Variants in RBMS1 observed in about 807,000 individuals in gnomAD.
RBMS1 encodes the protein RNA binding motif single stranded interacting protein 1, also known as RNA-binding motif, single-stranded-interacting protein 1.
Under a neutral mutation model 62.3 loss-of-function variants are expected in RBMS1, and 17 were observed. That is an observed-to-expected ratio of 0.27 (90% confidence interval 0.19 to 0.41). The LOEUF is 0.41. Among genes scored for constraint, RBMS1 ranks in the 10% least tolerant of loss-of-function variants. The pLI is 1.00. For synonymous variants in RBMS1, 172 were observed against 170.0 expected, an observed-to-expected ratio of 1.01 and a Z score of -0.09; for missense variants, 334 against 504.5, an observed-to-expected ratio of 0.66 and a Z score of 3.24.
intron 6 of RBMS1, among the ~76,000 whole-genome samples, chr2:160,291,704 T>C (rs1208103499): frequency 6.6e-6 from 1 of 152,200 alleles, no homozygotes; most frequent in African/African-American, 2.4e-5. Flanking sequence ...ATCGTCATGT[T>C]ACAATCATGT....
At chr2:160,475,648 A>T (rs1229308974) in intron 1 of RBMS1, among the ~76,000 whole-genome samples, 2 of 152,262 alleles carry the variant, frequency 1.3e-5, no homozygotes, top group Non-Finnish European at 2.9e-5. Flanking sequence ...TATGTCATGC[A>T]TTGCCTATCA....
intron 1 of RBMS1, among the ~76,000 whole-genome samples, chr2:160,490,205 T>C (rs1301316648): frequency 6.6e-6 from 1 of 151,906 alleles, no homozygotes; most frequent in African/African-American, 2.4e-5. Flanking sequence ...TTTAGGACAA[T>C]ATGTGGTTAT....
chr2:160,428,331 T>C (rs776691654), intron 1 of RBMS1, among the ~76,000 whole-genome samples: 19 of 152,172 alleles, frequency 1.2e-4, no homozygotes, highest in Non-Finnish European at 1.6e-4. Context: ...GACACAGACT[T>C]AGTTATAAAT....
At chr2:160,285,839 C>T (rs1030067742) in intron 7 of RBMS1, among the ~76,000 whole-genome samples, 3 of 151,976 alleles carry the variant, frequency 2.0e-5, no homozygotes, top group African/African-American at 4.8e-5. Context: ...AGGCCGAGCA[C>T]GATGGTTCAC....
intron 6 of RBMS1, among the ~76,000 whole-genome samples, chr2:160,293,769 G>A (rs1051633499): frequency 1.3e-5 from 2 of 152,152 alleles, no homozygotes; most frequent in East Asian, 1.9e-4. Flanking sequence ...CATGCCATAC[G>A]CATTAGTCTT....
intron 1 of RBMS1, among the ~76,000 whole-genome samples, chr2:160,397,136 C>T (rs995636368): frequency 1.3e-5 from 2 of 152,040 alleles, no homozygotes; most frequent in Admixed American, 6.6e-5. Flanking sequence ...CATGCCAACT[C>T]GTACCTCTGA....
rs1329629904 is a variant in RBMS1, at chr2:160,440,020, G to T, written c.75+53269C>A. Among the ~76,000 whole-genome samples the T allele has an allele frequency of 2.0e-5, 3 of 149,806 alleles. No individual in the cohort carries two copies. In the Admixed American group the frequency reaches 2.0e-4, roughly 10 times the overall value. On this transcript the variant is annotated intron_variant, in intron 1 of 13. Coordinates refer to ENST00000348849, the MANE Select transcript of RBMS1 (RefSeq NM_016836.4). ...GATGGCAGCAGTACCGTCCAGCTTCGGCTCGGCATCAGAGGGAGACCGTGG... is the reference window on the plus strand; with the variant it reads ...GATGGCAGCAGTACCGTCCAGCTTCTGCTCGGCATCAGAGGGAGACCGTGG...
At chr2:160,449,935 A>G (rs933297403) in intron 1 of RBMS1, among the ~76,000 whole-genome samples, 1 of 152,008 alleles carries the variant, frequency 6.6e-6, no homozygotes, top group Non-Finnish European at 1.5e-5. Flanking sequence ...TTTCAGCTCT[A>G]TACATCTCCA....
chr2:160,324,400 T>C (rs1299838119), intron 2 of RBMS1, among the ~76,000 whole-genome samples: 2 of 152,216 alleles, frequency 1.3e-5, no homozygotes, highest in South Asian at 2.1e-4. Flanking sequence ...TGTTAAGTTA[T>C]TTTAATATTG....
intron 10 of RBMS1, among the ~76,000 whole-genome samples, chr2:160,280,926 G>A (rs1559311227): frequency 1.3e-5 from 2 of 152,100 alleles, no homozygotes; most frequent in African/African-American, 2.4e-5. Flanking sequence ...GAAAGGCCAA[G>A]TAACACTGAT....
intron 1 of RBMS1, among the ~76,000 whole-genome samples, chr2:160,399,394 T>G (rs187156676): frequency 6.6e-6 from 1 of 152,356 alleles, no homozygotes; most frequent in African/African-American, 2.4e-5. Flanking sequence ...AACTGACTTC[T>G]TTTGGGTCCT....
intron 1 of RBMS1, among the ~76,000 whole-genome samples, chr2:160,399,703 A>C (rs1695338070): frequency 6.6e-6 from 1 of 152,222 alleles, no homozygotes; most frequent in African/African-American, 2.4e-5. Context: ...TTTCTAGAAT[A>C]TCTGAATTGG....
chr2:160,324,903 T>TACACAC (rs1293841336), intron 2 of RBMS1, among the ~76,000 whole-genome samples: 7 of 118,984 alleles, frequency 5.9e-5, no homozygotes, highest in Non-Finnish European at 6.9e-5. Flanking sequence ...TATATATATA[T>TACACAC]ATATACACAC....
At chr2:160,294,729 G>A (rs1005679658) in intron 6 of RBMS1, among the ~76,000 whole-genome samples, 4 of 152,104 alleles carry the variant, frequency 2.6e-5, no homozygotes, top group Admixed American at 6.6e-5. Context: ...TTCTGCTTAC[G>A]CCAGCTAAAC....
intron 1 of RBMS1, among the ~76,000 whole-genome samples, chr2:160,402,492 G>A (rs904559782): frequency 6.6e-6 from 1 of 151,918 alleles, no homozygotes; most frequent in African/African-American, 2.4e-5. Context: ...TGAAAATCTG[G>A]GACATACTTA....
At chr2:160,423,371 C>G (rs10803764) in intron 1 of RBMS1, among the ~76,000 whole-genome samples, 36,606 of 84,484 alleles carry the variant, frequency 0.43, 5,180 homozygotes, top group East Asian at 0.67. Context: ...TAAAAAAAAG[C>G]GGGGTGGGGG....
At chr2:160,324,590 G>A (rs1453643321) in intron 2 of RBMS1, among the ~76,000 whole-genome samples, 1 of 151,906 alleles carries the variant, frequency 6.6e-6, no homozygotes, top group Admixed American at 6.6e-5. Context: ...AGAAAGGGCA[G>A]AATGTTGCTC....
At chr2:160,479,509 C>T (rs116515506) in intron 1 of RBMS1, among the ~76,000 whole-genome samples, 351 of 152,348 alleles carry the variant, frequency 2.3e-3, no homozygotes, top group Non-Finnish European at 3.8e-3. Flanking sequence ...TGGCCCCATT[C>T]GCATCCCATC....
chr2:160,331,731 T>C (rs1371343654), intron 2 of RBMS1, among the ~76,000 whole-genome samples: 1 of 152,144 alleles, frequency 6.6e-6, no homozygotes, highest in Non-Finnish European at 1.5e-5. Context: ...GAGCTAGAAA[T>C]CACATCCTAC....
Sources: allele counts gnomAD v4.1 joint callset (sites outside exome capture counted in the v4.1 genomes callset), GRCh38; gene constraint gnomAD v4.1.1; transcripts MANE v1.5; gene names NCBI Gene and HGNC (gene_info 2026-07-23, HGNC 2026-07-21).